The following TGFBRAP1 variants were observed in gnomAD, a reference collection of about 807,000 sequenced individuals.
The protein encoded by TGFBRAP1 is transforming growth factor-beta receptor-associated protein 1.
In TGFBRAP1, 20 loss-of-function variants were observed where a neutral mutation model predicts 83.2. The observed-to-expected ratio is 0.24, with a 90% CI of 0.17 to 0.35. TGFBRAP1 has a LOEUF of 0.35. Ranked by LOEUF, TGFBRAP1 falls within the 10% of genes least tolerant of loss-of-function variation. The probability of loss-of-function intolerance (pLI) is 1.00; values close to 1 mark genes in which losing one functional copy is unlikely to be tolerated. For missense variants in TGFBRAP1, 950 were observed against 1,099.4 expected (o/e 0.86, Z 1.92); for synonymous variants, 415 against 459.8 (o/e 0.90, Z 1.25).
In TGFBRAP1 at chr2:105,273,058, A is replaced by C. The variant is rs754507603; in HGVS notation, c.1813-44T>G. ...GCCAAGCAGACAGACAGTGTTTTCA[A>C]GTGGGAAAGTCAAAGCTCTCCCCTG... is the stretch of plus-strand genomic sequence containing the variant. On this transcript the variant is annotated intron_variant, in intron 9 of 11. Transcript: ENST00000393359. The C allele has an allele frequency of 1.8e-5, 29 of 1,594,320 alleles. No individual in the cohort carries two copies. The African/African-American group carries it at 3.2e-4, about 18-fold the overall frequency.
chr2:105,267,139 T>A lies in TGFBRAP1; in HGVS notation c.*244A>T. 1 of 522,894 alleles carries A rather than the reference T, an allele frequency of 1.9e-6. No homozygotes were observed. The highest frequency in any genetic ancestry group is 3.1e-5 in the South Asian group (1 of 32,730). The allele number at this position is 522,894 out of a possible 1,614,324, so 32.4% of individuals were successfully genotyped here. A position where few individuals can be genotyped will look rare whatever the true frequency, so the allele number is the denominator to read the frequency against. On this transcript the variant is annotated 3_prime_UTR_variant, in exon 12 of 12. Transcript: ENST00000393359. ...GTACCTGGACAGGTGAACTCTTGTATGTTTCTGTTTTGGGGATTTTTAGGG... is the reference window on the plus strand; with the variant it reads ...GTACCTGGACAGGTGAACTCTTGTAAGTTTCTGTTTTGGGGATTTTTAGGG...
the TGFBRAP1 span, among the ~76,000 whole-genome samples, chr2:105,257,396 C>T: frequency 6.6e-6 from 1 of 152,086 alleles, no homozygotes; most frequent in Non-Finnish European, 1.5e-5. Context: ...AAACTCTGTC[C>T]CCATTAAACA....
At chr2:105,291,908 A>G (rs1429395426) in intron 4 of TGFBRAP1, among the ~76,000 whole-genome samples, 1 of 152,272 alleles carries the variant, frequency 6.6e-6, no homozygotes, top group Non-Finnish European at 1.5e-5. Context: ...TCAAGTCACT[A>G]CAAGGGAAAG....
chr2:105,307,537 A>C, intron 2 of TGFBRAP1, 77 bp downstream of exon 2: 1 of 1,435,320 alleles, frequency 7.0e-7, no homozygotes, highest in Non-Finnish European at 9.4e-7. Context: ...GCACAGCGCC[A>C]ATCTCACTCT....
At chr2:105,271,176 C>T (rs540950493) in intron 10 of TGFBRAP1, among the ~76,000 whole-genome samples, 1 of 152,306 alleles carries the variant, frequency 6.6e-6, no homozygotes, top group African/African-American at 2.4e-5. Context: ...TAGAACTGTA[C>T]CTGCCCTTAA....
chr2:105,301,469 C>T lies in TGFBRAP1; in HGVS notation c.689-2764G>A, dbSNP rs1331517722. On this transcript the variant is annotated intron_variant, in intron 2 of 11. Coordinates refer to ENST00000393359, the MANE Select transcript of TGFBRAP1 (RefSeq NM_004257.6). ...AGGAATGATGGCACCCACCTGTAAT[C>T]CCAGCTACTAGGGAGGGTAAGGCAG... is the stretch of plus-strand genomic sequence containing the variant. Among the ~76,000 whole-genome samples the T allele has an allele frequency of 2.0e-5, 3 of 152,020 alleles. No homozygotes were observed. In the East Asian group the frequency reaches 5.9e-4, roughly 30 times the overall value.
intron 1 of TGFBRAP1, among the ~76,000 whole-genome samples, chr2:105,312,172 T>C (rs2104401561): frequency 6.6e-6 from 1 of 152,182 alleles, no homozygotes. Flanking sequence ...AAATTTAAAC[T>C]TTTTGTTAGA....
At chr2:105,322,106 A>G (rs899949750) in intron 1 of TGFBRAP1, among the ~76,000 whole-genome samples, 1 of 152,162 alleles carries the variant, frequency 6.6e-6, no homozygotes, top group Non-Finnish European at 1.5e-5. Context: ...AGGGATAAGG[A>G]TGATCCTGAC....
the TGFBRAP1 span, among the ~76,000 whole-genome samples, chr2:105,256,720 T>C: frequency 6.6e-6 from 1 of 152,182 alleles, no homozygotes; most frequent in African/African-American, 2.4e-5. Flanking sequence ...GAGCACTCCA[T>C]CTTGAATAAG....
rs1677644979 is a variant in TGFBRAP1 at position 105,284,395 on chromosome 2, T to A, written c.1042A>T (p.Met348Leu). 5 of 1,613,788 alleles carry A rather than the reference T, an allele frequency of 3.1e-6. No individual in the cohort carries two copies. The highest frequency in any genetic ancestry group is 4.2e-6 in the Non-Finnish European group (5 of 1,179,864). The stretch of plus-strand genomic sequence containing the variant: ...GCCTGCTGCAGAATCCTTCTGTACA[T>A]TACCTGCAAGGAAAGACGGGTGTAA... ...RNIPKEKFQVMYRRILQQAGF... is the reference protein window; with the variant it reads ...RNIPKEKFQVLYRRILQQAGF... The change falls in exon 5 of 12, where the codon ATG (methionine) becomes TTG (leucine). Residue 348 changes from methionine (M) to leucine (L), a missense_variant. By Grantham distance (15) the Met-to-Leu change is conservative (BLOSUM62 2). Coordinates refer to ENST00000393359, the MANE Select transcript of TGFBRAP1 (RefSeq NM_004257.6).
intron 5 of TGFBRAP1, among the ~76,000 whole-genome samples, chr2:105,282,769 T>A (rs1677585429): frequency 6.7e-6 from 1 of 150,076 alleles, no homozygotes; most frequent in East Asian, 2.0e-4. Context: ...GAGGCTGCGG[T>A]GAGCTATGAT....
the TGFBRAP1 span, among the ~76,000 whole-genome samples, chr2:105,252,208 G>A: frequency 2.0e-5 from 3 of 152,162 alleles, no homozygotes; most frequent in South Asian, 2.1e-4. Context: ...TTTTGCGGTG[G>A]TCTCATGAAG....
intron 4 of TGFBRAP1, among the ~76,000 whole-genome samples, chr2:105,293,127 A>G (rs1677970000): frequency 6.6e-6 from 1 of 152,204 alleles, no homozygotes; most frequent in African/African-American, 2.4e-5. Flanking sequence ...GTTACATTTC[A>G]AAGGGGGCAT....
chr2:105,290,931 G>A (rs997271259), intron 4 of TGFBRAP1, among the ~76,000 whole-genome samples: 10 of 152,154 alleles, frequency 6.6e-5, no homozygotes, highest in African/African-American at 1.4e-4. Flanking sequence ...CCTTGAACGC[G>A]GGAGGTGGAG....
intron 1 of TGFBRAP1, among the ~76,000 whole-genome samples, chr2:105,325,993 A>C (rs1242052004): frequency 6.6e-6 from 1 of 152,186 alleles, no homozygotes. Flanking sequence ...TAGTGCAATG[A>C]ACCTGCTCTG....
At chr2:105,250,568 T>TCCTCTC in the TGFBRAP1 span, among the ~76,000 whole-genome samples, 1 of 91,388 alleles carries the variant, frequency 1.1e-5, no homozygotes, top group Non-Finnish European at 2.0e-5. Flanking sequence ...GAAAGGCTCC[T>TCCTCTC]CCTCTCCCTC....
chr2:105,256,273 C>G, the TGFBRAP1 span, among the ~76,000 whole-genome samples: 1 of 152,144 alleles, frequency 6.6e-6, no homozygotes, highest in Admixed American at 6.5e-5. Flanking sequence ...TCCCCTCCAG[C>G]CTTATCTCTC....
intron 1 of TGFBRAP1, among the ~76,000 whole-genome samples, chr2:105,322,426 C>G (rs903231577): frequency 6.6e-6 from 1 of 152,130 alleles, no homozygotes; most frequent in Non-Finnish European, 1.5e-5. Flanking sequence ...TGTTTTAGGC[C>G]TTCACTTTCA....
chr2:105,329,435 C>T lies in TGFBRAP1; in HGVS notation c.-18+190G>A, dbSNP rs558614182. ...AGTCGCACACCCGCACACCTGCCCCCAAGTGTATAGCCACTTGCTCCCCCC... is the reference window on the plus strand; with the variant it reads ...AGTCGCACACCCGCACACCTGCCCCTAAGTGTATAGCCACTTGCTCCCCCC... On this transcript the variant is annotated intron_variant, in intron 1 of 11. Coordinates refer to ENST00000393359, the MANE Select transcript of TGFBRAP1 (RefSeq NM_004257.6). 2.2e-4 allele frequency among the ~76,000 whole-genome samples: 34 copies of T among 151,578 alleles called. No homozygotes were observed. The South Asian group carries it at 6.7e-3, about 30-fold the overall frequency.
Sources: gnomAD v4.1 joint callset for allele counts (sites outside exome capture counted in the v4.1 genomes callset) on GRCh38, gnomAD v4.1.1 for gene constraint, MANE v1.5 for transcripts, NCBI Gene and HGNC (gene_info 2026-07-23, HGNC 2026-07-21) for gene names.